MCC: variants seen among roughly 807,000 people sequenced by gnomAD.
MCC encodes colorectal mutant cancer protein.
Under a neutral mutation model 116.2 loss-of-function variants are expected in MCC, and 90 were observed. The observed-to-expected ratio is 0.77, with a 90% CI of 0.65 to 0.92. The LOEUF is 0.92. Among genes scored for constraint, MCC ranks in the 40% least tolerant of loss-of-function variants. The pLI is 0.00. For missense variants in MCC, 1,516 were observed against 1,312.2 expected, an observed-to-expected ratio of 1.16 and a Z score of -2.40; for synonymous variants, 578 against 510.5, an observed-to-expected ratio of 1.13 and a Z score of -1.78.
Position 113,090,094 on chromosome 5 carries a change from G to A in MCC, c.1399-4784C>T, listed in dbSNP as rs180888412. On this transcript the variant is annotated intron_variant, in intron 8 of 18. Transcript: ENST00000408903. ...AATGCTGGGCATGGATAAGGTCCAG[G>A]AAGGAGGTGTGGCAGTGTGGTGGGC... 3.7e-4 allele frequency among the ~76,000 whole-genome samples: 56 copies of A among 152,272 alleles called. No homozygotes were observed. In the East Asian group the frequency reaches 0.01, roughly 28 times the overall value.
At chr5:113,232,800 C>CT (rs902635307) in intron 3 of MCC, among the ~76,000 whole-genome samples, 1 of 152,086 alleles carries the variant, frequency 6.6e-6, no homozygotes, top group Admixed American at 6.6e-5. Flanking sequence ...GTGCAGAGTG[C>CT]TTTAAGGAGG....
chr5:113,069,955 G>A (rs181358756), intron 12 of MCC, among the ~76,000 whole-genome samples: 1 of 152,238 alleles, frequency 6.6e-6, no homozygotes, highest in African/African-American at 2.4e-5. Flanking sequence ...AGCCCTAGGT[G>A]ATACCAGCTC....
chr5:113,181,318 T>C (rs1761616495), intron 3 of MCC, among the ~76,000 whole-genome samples: 1 of 152,232 alleles, frequency 6.6e-6, no homozygotes, highest in African/African-American at 2.4e-5. Context: ...TGAAATGTAC[T>C]GATTAGAATT....
chr5:113,134,826 T>C (rs1333237491), intron 5 of MCC, among the ~76,000 whole-genome samples: 4 of 152,080 alleles, frequency 2.6e-5, no homozygotes, highest in South Asian at 4.2e-4. Flanking sequence ...TAGGCATAAA[T>C]AGATTAACAA....
rs764735792 is a variant in MCC, at chr5:113,023,094, G to A, written c.*4208C>T. 5 of 152,198 alleles carry A rather than the reference G, an allele frequency of 3.3e-5. No homozygotes were observed. The highest frequency in any genetic ancestry group is 7.3e-5 in the Non-Finnish European group (5 of 68,040). The allele number at this position is 152,198 out of a possible 1,614,324, so 9.4% of individuals were successfully genotyped here. A position where few individuals can be genotyped will look rare whatever the true frequency, so the allele number is the denominator to read the frequency against. On this transcript the variant is annotated 3_prime_UTR_variant, in exon 19 of 19. Transcript: ENST00000408903. ...TAACAGCCACTGAGAGATCAGTGAT[G>A]CTGTGGTGACAGCAGTCAGCATTAT...
rs897818368 is a variant in MCC, at chr5:113,048,076, T to A, written c.2655+1017A>T. Among the ~76,000 whole-genome samples, 4 of 152,224 alleles carry A rather than the reference T, an allele frequency of 2.6e-5. No individual in the cohort carries two copies. In the East Asian group the frequency reaches 7.7e-4, roughly 29 times the overall value. The stretch of plus-strand genomic sequence containing the variant: ...GTGGATCTGGGCTAAATCCCAATTC[T>A]ACCATTTATCAGCAGTGAGACTCCT... On this transcript the variant is annotated intron_variant, in intron 16 of 18. Coordinates refer to ENST00000408903, the MANE Select transcript of MCC (RefSeq NM_001085377.2).
At chr5:113,100,598 A>G (rs1053025450) in intron 8 of MCC, among the ~76,000 whole-genome samples, 7 of 150,194 alleles carry the variant, frequency 4.7e-5, no homozygotes, top group African/African-American at 1.7e-4. Context: ...CAGCCTCTCA[A>G]GTAGCTGGGA....
chr5:113,435,937 G>C (rs1279942593), intron 1 of MCC: 1 of 152,510 alleles, frequency 6.6e-6, no homozygotes, highest in Non-Finnish European at 1.5e-5. Flanking sequence ...CATTTCTTCT[G>C]GCAGTGGAGC....
chr5:113,063,944 T>C (rs373075325), intron 14 of MCC, 40 bp downstream of exon 14: 13 of 1,576,092 alleles, frequency 8.2e-6, no homozygotes, highest in Non-Finnish European at 1.1e-5. Flanking sequence ...AGATGCCATG[T>C]GGACACACGC....
chr5:113,388,677 C>G (rs1561547865), intron 1 of MCC, among the ~76,000 whole-genome samples: 2 of 152,188 alleles, frequency 1.3e-5, no homozygotes, highest in Admixed American at 6.5e-5. Flanking sequence ...GAAGCAGATG[C>G]CAACATCATA....
chr5:113,363,151 C>A (rs1768588977), intron 2 of MCC, among the ~76,000 whole-genome samples: 1 of 152,136 alleles, frequency 6.6e-6, no homozygotes, highest in African/African-American at 2.4e-5. Flanking sequence ...GTGGCACGTG[C>A]CTGTAATCCC....
chr5:113,100,287 CT>C (rs1756314571), intron 8 of MCC, among the ~76,000 whole-genome samples: 1 of 151,994 alleles, frequency 6.6e-6, no homozygotes, highest in Non-Finnish European at 1.5e-5. Flanking sequence ...ATAGTAATTT[CT>C]TCCGTTTTAT....
At chr5:113,393,090 T>C (rs1769439512) in intron 1 of MCC, among the ~76,000 whole-genome samples, 1 of 151,988 alleles carries the variant, frequency 6.6e-6, no homozygotes, top group Non-Finnish European at 1.5e-5. Context: ...AGGCAAGTAA[T>C]AAAAACAAGG....
At chr5:113,315,356 G>A (rs139440341) in intron 3 of MCC, among the ~76,000 whole-genome samples, 2,245 of 152,166 alleles carry the variant, frequency 0.015, 31 homozygotes, top group Non-Finnish European at 0.021. Flanking sequence ...ATATAGTTAT[G>A]TATCTAGTGG....
In MCC at chr5:113,454,053, T is replaced by C. The variant is rs368322294; in HGVS notation, c.170+34192A>G. Among the ~76,000 whole-genome samples, 56 of 152,090 alleles carry C rather than the reference T, an allele frequency of 3.7e-4. 4 individuals carry two copies. The highest frequency in any genetic ancestry group is 8.5e-4 in the Admixed American group (13 of 15,264). On this transcript the variant is annotated intron_variant, in intron 1 of 18. Coordinates refer to ENST00000408903, the MANE Select transcript of MCC (RefSeq NM_001085377.2). ...TGAACCCAGGAGGCGGAGTTTGCGG[T>C]GGACGGAATATCGCGCTATTGCACT...
chr5:113,295,249 A>C (rs1766675403), intron 3 of MCC, among the ~76,000 whole-genome samples: 1 of 152,156 alleles, frequency 6.6e-6, no homozygotes, highest in African/African-American at 2.4e-5. Flanking sequence ...TAAGGTCAAG[A>C]CAAACCTAAA....
intron 1 of MCC, among the ~76,000 whole-genome samples, chr5:113,426,354 C>A (rs1561564719): frequency 6.6e-6 from 1 of 152,126 alleles, no homozygotes; most frequent in Non-Finnish European, 1.5e-5. Flanking sequence ...CGTTGTCATC[C>A]TTCAAAATGT....
chr5:113,385,101 T>C lies in MCC; in HGVS notation c.282A>G (p.Thr94=), dbSNP rs751226292. The part of the protein sequence containing the change: ...ENGKISFQDF[T]RCRMQLVREI... ...CTCGAACAAGCTGCATGCGGCATCT[T>C]GTGAAATCCTGAAAGGAAATCTTCC... Residue 94 remains threonine (T), a synonymous_variant, in exon 2 of 19, where the codon ACA becomes ACG. Transcript: ENST00000408903. The C allele has an allele frequency of 1.2e-6, 2 of 1,614,194 alleles. No individual in the cohort carries two copies. The highest frequency in any genetic ancestry group is 1.1e-5 in the South Asian group (1 of 91,084).
At chr5:113,294,254 A>C in intron 3 of MCC, 2 of 1,591,632 alleles carry the variant, frequency 1.3e-6, no homozygotes, top group Non-Finnish European at 1.7e-6. Context: ...GGCTGTGGGG[A>C]GGTCGAGGGG....
Sources: allele counts gnomAD v4.1 joint callset (sites outside exome capture counted in the v4.1 genomes callset), GRCh38; gene constraint gnomAD v4.1.1; transcripts MANE v1.5; gene names NCBI Gene and HGNC (gene_info 2026-07-23, HGNC 2026-07-21).